Variants in SNX25 observed in about 807,000 individuals in gnomAD.
SNX25 encodes the protein sorting nexin 25, also known as sorting nexin-25.
Under a neutral mutation model 113.7 loss-of-function variants are expected in SNX25, and 62 were observed. That is an observed-to-expected ratio of 0.55 (90% CI 0.44 to 0.67). The LOEUF is 0.67. Ranked by LOEUF, SNX25 falls within the 30% of genes least tolerant of loss-of-function variation. The pLI is 0.00. For missense variants in SNX25, 1,014 were observed against 1,161.0 expected, an observed-to-expected ratio of 0.87 and a Z score of 1.84; for synonymous variants, 421 against 436.2, an observed-to-expected ratio of 0.97 and a Z score of 0.43.
At chr4:185,297,643 C>T (rs1205969337) in intron 6 of SNX25, among the ~76,000 whole-genome samples, 2 of 152,152 alleles carry the variant, frequency 1.3e-5, no homozygotes, top group Admixed American at 6.6e-5. Context: ...GCTGGGAGGT[C>T]CAAGATCAAG....
chr4:185,247,388 A>C lies in SNX25; in HGVS notation c.514+10A>C. ...AAAGCTCTGAAAGAAGGTAAGGATT[A>C]AATGAGAGTATATAATTACCATGTA... On this transcript the variant is annotated intron_variant, in intron 2 of 18. Transcript: ENST00000652585. 6.6e-7 allele frequency: 1 copy of C among 1,508,132 alleles called. No individual in the cohort carries two copies. Among genetic ancestry groups the C allele is most frequent in the Non-Finnish European group, 9.2e-7 (1 of 1,084,396 alleles). The allele number at this position is 1,508,132 out of a possible 1,614,324, so 93.4% of individuals were successfully genotyped here. A position where few individuals can be genotyped will look rare whatever the true frequency, so the allele number is the denominator to read the frequency against.
intron 6 of SNX25, among the ~76,000 whole-genome samples, chr4:185,294,089 G>T (rs1490770162): frequency 1.3e-5 from 2 of 152,154 alleles, no homozygotes; most frequent in African/African-American, 4.8e-5. Context: ...GGATCCAAGA[G>T]AATGATAGTG....
chr4:185,342,357 G>T (rs541742284), intron 12 of SNX25, among the ~76,000 whole-genome samples: 160 of 152,322 alleles, frequency 1.1e-3, no homozygotes, highest in African/African-American at 3.7e-3. Context: ...AGCTGGAAGA[G>T]ACCTAAGGAT....
downstream of SNX25, chr4:185,370,714 A>G: frequency 1.2e-6 from 2 of 1,614,080 alleles, no homozygotes; most frequent in Non-Finnish European, 1.7e-6. Flanking sequence ...CTTGCGTGGT[A>G]GAAGGATGCC....
At chr4:185,313,280 A>G (rs568662292) in intron 7 of SNX25, among the ~76,000 whole-genome samples, 2 of 152,354 alleles carry the variant, frequency 1.3e-5, no homozygotes, top group East Asian at 3.9e-4. Context: ...TGTGAATATC[A>G]GACAAAATAG....
At chr4:185,318,452 T>C (rs985946626) in intron 7 of SNX25, among the ~76,000 whole-genome samples, 2 of 152,192 alleles carry the variant, frequency 1.3e-5, no homozygotes, top group Non-Finnish European at 2.9e-5. Flanking sequence ...TGTGAGTATG[T>C]AAAACAGCAA....
chr4:185,214,186 C>A (rs899005420), intron 1 of SNX25, among the ~76,000 whole-genome samples: 10 of 152,020 alleles, frequency 6.6e-5, no homozygotes, highest in African/African-American at 2.4e-4. Flanking sequence ...TTAGAGACTT[C>A]TTATTTATGT....
Position 185,320,783 on chromosome 4 carries a change from T to C in SNX25, c.1395T>C (p.Phe465=), listed in dbSNP as rs2095113826. Residue 465 remains phenylalanine, a synonymous_variant, in exon 8 of 19, where the codon TTT becomes TTC. Coordinates refer to ENST00000652585, the MANE Select transcript of SNX25 (RefSeq NM_001378034.2). ...ILANTFYREH[F]GMYMERMDKR... is the part of the protein sequence containing the mutation. ...CCAATACGTTCTACCGAGAGCACTT[T>C]GGAATGTACATGGAAAGGATGGACA... The C allele has an allele frequency of 6.2e-7, 1 of 1,604,414 alleles. No homozygotes were observed. The highest frequency in any genetic ancestry group is 1.7e-5 in the Admixed American group (1 of 58,124).
rs1245623891 is a variant in SNX25 at position 185,258,859 on chromosome 4, A to G, written c.526A>G (p.Ser176Gly). Residue 176 changes from serine to glycine, a missense_variant, in exon 3 of 19, where the codon AGT becomes GGT. Ser to Gly is a moderately conservative substitution (Grantham distance 56). Coordinates refer to ENST00000652585, the MANE Select transcript of SNX25 (RefSeq NM_001378034.2). ...DKALKEVFDY[S>G]YRDYILSWYG... ...TTTATTCCTGGTAGTGTTCGACTAC[A>G]GTTATAGAGATTACATTCTGTCCTG... 6 of 1,612,724 alleles carry G rather than the reference A, an allele frequency of 3.7e-6. No individual in the cohort carries two copies. The highest frequency in any genetic ancestry group is 5.1e-6 in the Non-Finnish European group (6 of 1,178,798).
intron 2 of SNX25, among the ~76,000 whole-genome samples, chr4:185,254,654 T>C (rs999531297): frequency 6.6e-6 from 1 of 152,244 alleles, no homozygotes; most frequent in Non-Finnish European, 1.5e-5. Context: ...ATAGTTTTTC[T>C]CTACTTTGTT....
downstream of SNX25, among the ~76,000 whole-genome samples, chr4:185,372,015 C>T (rs770417496): frequency 8.5e-5 from 13 of 152,136 alleles, no homozygotes; most frequent in Non-Finnish European, 1.8e-4. Context: ...TGGGTAAATA[C>T]GTGTAGGAAA....
At chr4:185,377,090 A>G in the SNX25 span, 1 of 1,079,516 alleles carries the variant, frequency 9.3e-7, no homozygotes, top group South Asian at 1.3e-5. Flanking sequence ...AATGAATCAT[A>G]TAAAATCCAT....
intron 5 of SNX25, among the ~76,000 whole-genome samples, chr4:185,285,346 G>A (rs543931130): frequency 2.0e-5 from 3 of 152,280 alleles, no homozygotes; most frequent in East Asian, 1.9e-4. Context: ...TGTCTGGAAC[G>A]TAAGAAAAGA....
At chr4:185,373,067 G>T, downstream of SNX25, 1 of 1,605,476 alleles carries the variant, frequency 6.2e-7, no homozygotes. Context: ...GCTTCGGAAT[G>T]CCAGTAAAAT....
chr4:185,376,334 G>T, the SNX25 span, among the ~76,000 whole-genome samples: 1 of 152,058 alleles, frequency 6.6e-6, no homozygotes, highest in Non-Finnish European at 1.5e-5. Context: ...CTGGAGTGCA[G>T]TGGCACGATC....
intron 5 of SNX25, among the ~76,000 whole-genome samples, chr4:185,279,669 A>C (rs879430702): frequency 3.3e-5 from 5 of 152,206 alleles, no homozygotes; most frequent in Non-Finnish European, 7.4e-5. Context: ...GGTGAAGATT[A>C]AAAATTTGTT....
downstream of SNX25, chr4:185,372,928 T>C (rs777408623): frequency 3.1e-6 from 5 of 1,613,952 alleles, no homozygotes; most frequent in Admixed American, 1.7e-5. Flanking sequence ...CCCTTGAGCA[T>C]AGACGTTTCC....
the SNX25 span, chr4:185,376,863 A>G: frequency 7.1e-7 from 1 of 1,401,296 alleles, no homozygotes; most frequent in Non-Finnish European, 1.0e-6. Context: ...TGAGGATCTA[A>G]CAACAGAATT....
chr4:185,254,449 A>T (rs1447985640), intron 2 of SNX25, among the ~76,000 whole-genome samples: 1 of 152,202 alleles, frequency 6.6e-6, no homozygotes, highest in African/African-American at 2.4e-5. Context: ...CCTCATGGGC[A>T]GGACATGTAT....
Sources: allele counts gnomAD v4.1 joint callset (sites outside exome capture counted in the v4.1 genomes callset), GRCh38; gene constraint gnomAD v4.1.1; transcripts MANE v1.5; gene names NCBI Gene and HGNC (gene_info 2026-07-23, HGNC 2026-07-21).